Variants in SOX5 observed in about 807,000 individuals in gnomAD.
SOX5 encodes SRY-box transcription factor 5, also known as transcription factor SOX-5.
SOX5 carries 9 observed loss-of-function variants against 92.0 expected under a neutral mutation model. The ratio of observed to expected loss-of-function variants is 0.10; its 90% CI spans 0.06 to 0.17. SOX5 has a LOEUF of 0.17. SOX5 is among the 10% of genes least tolerant of loss of function. SOX5 has a pLI of 1.00. For synonymous variants in SOX5, 344 were observed against 336.3 expected (o/e 1.02, Z -0.25); for missense variants, 642 against 944.5 (o/e 0.68, Z 4.20).
rs564624802 is a variant in SOX5 at position 24,341,254 on chromosome 12, A to G, written c.-174+27309T>C. Among the ~76,000 whole-genome samples, 4 of 152,302 alleles carry G rather than the reference A, an allele frequency of 2.6e-5. No individual in the cohort carries two copies. In the South Asian group the frequency reaches 8.3e-4, roughly 32 times the overall value. ...CACCTTGAGAGGCTGAGGCAGGAGG[A>G]TCACTTGAGCCCAATGGTTCAAGAC... On this transcript the variant is annotated intron_variant, in intron 2 of 4. Transcript: ENST00000446891.
chr12:23,654,966 A>AT (rs1035372154), intron 7 of SOX5, among the ~76,000 whole-genome samples: 5 of 152,020 alleles, frequency 3.3e-5, no homozygotes, highest in African/African-American at 9.7e-5. Context: ...TCAATAAGAG[A>AT]TTTTTTAAAA....
chr12:24,230,731 T>TA lies in SOX5; in HGVS notation c.-76-17315dup, dbSNP rs1439860659. 16 of 152,108 alleles carry TA rather than the reference T, an allele frequency of 1.1e-4. No individual in the cohort carries two copies. The East Asian group carries it at 3.1e-3, about 29-fold the overall frequency. The allele number at this position is 152,108 out of a possible 1,614,324, so 9.4% of individuals were successfully genotyped here. On this transcript the variant is annotated intron_variant, in intron 3 of 4. Coordinates refer to the SOX5 transcript ENST00000446891. ...AACAAAGCCGACACCGTCCCAGGAG[T>TA]AACATACCCTCTTAGATCACTGTAA...
intron 4 of SOX5, among the ~76,000 whole-genome samples, chr12:24,182,393 T>A (rs968791503): frequency 1.3e-5 from 2 of 152,196 alleles, no homozygotes; most frequent in South Asian, 2.1e-4. Context: ...ATAAATCAGA[T>A]ATCAGTCCAC....
intron 9 of SOX5, among the ~76,000 whole-genome samples, chr12:23,581,676 G>T (rs1360341191): frequency 6.6e-6 from 1 of 151,852 alleles, no homozygotes; most frequent in Non-Finnish European, 1.5e-5. Flanking sequence ...ATAAACCAAA[G>T]GACATTTAGG....
At chr12:24,152,273 C>T (rs749133754) in intron 4 of SOX5, among the ~76,000 whole-genome samples, 7 of 152,164 alleles carry the variant, frequency 4.6e-5, no homozygotes, top group Admixed American at 1.3e-4. Flanking sequence ...GCATTTCACA[C>T]GTCATTGATT....
chr12:24,015,916 G>A (rs1392720676), intron 4 of SOX5, among the ~76,000 whole-genome samples: 1 of 107,648 alleles, frequency 9.3e-6, no homozygotes, highest in East Asian at 3.9e-4. Flanking sequence ...CTATTCAATG[G>A]GGGCAGAAAA....
intron 4 of SOX5, among the ~76,000 whole-genome samples, chr12:24,024,768 C>T (rs1224733566): frequency 2.0e-5 from 3 of 152,026 alleles, no homozygotes; most frequent in Non-Finnish European, 4.4e-5. Flanking sequence ...ATCTCCATAA[C>T]ATGACCAATC....
rs188929751 is a variant in SOX5 at position 23,778,043 on chromosome 12, G to T, written c.482-22319C>A. Among the ~76,000 whole-genome samples the T allele has an allele frequency of 2.6e-5, 4 of 152,162 alleles. No individual in the cohort carries two copies. The East Asian group carries it at 5.8e-4, about 22-fold the overall frequency. ...CAAAGAAATGGCAACATGTTGCAGT[G>T]GTTTGATGGACTGATCAAATGACAA... On this transcript the variant is annotated intron_variant, in intron 3 of 14. Coordinates refer to ENST00000451604, the MANE Select transcript of SOX5 (RefSeq NM_006940.6).
At chr12:23,986,046 T>A (rs181413711) in intron 4 of SOX5, among the ~76,000 whole-genome samples, 24 of 152,168 alleles carry the variant, frequency 1.6e-4, no homozygotes, top group Non-Finnish European at 2.5e-4. Context: ...TCCAAGATAA[T>A]CTGTTTATTT....
At chr12:23,663,558 T>C (rs2083364389) in intron 7 of SOX5, among the ~76,000 whole-genome samples, 1 of 152,154 alleles carries the variant, frequency 6.6e-6, no homozygotes, top group African/African-American at 2.4e-5. Context: ...TTTTTTGTTT[T>C]ATTGAAAATA....
chr12:24,527,061 G>C (rs936906195), intron 1 of SOX5, among the ~76,000 whole-genome samples: 2 of 151,964 alleles, frequency 1.3e-5, no homozygotes, highest in African/African-American at 4.8e-5. Context: ...CAAAGTGCTG[G>C]GATTACAGGC....
intron 3 of SOX5, among the ~76,000 whole-genome samples, chr12:23,779,437 A>T (rs953429218): frequency 6.6e-6 from 1 of 150,762 alleles, no homozygotes; most frequent in Admixed American, 6.7e-5. Context: ...ATAAATGAAC[A>T]AGCAGCAGGA....
chr12:23,713,883 G>A (rs375450599), intron 6 of SOX5, among the ~76,000 whole-genome samples: 2 of 151,392 alleles, frequency 1.3e-5, no homozygotes, highest in East Asian at 3.9e-4. Flanking sequence ...CTTGAAGTCA[G>A]GAGTTCAAGA....
At chr12:24,046,764 C>T (rs1957076413) in intron 4 of SOX5, among the ~76,000 whole-genome samples, 1 of 150,984 alleles carries the variant, frequency 6.6e-6, no homozygotes, top group African/African-American at 2.4e-5. Context: ...ACTGCAACCG[C>T]TGCCTCCTGA....
chr12:24,256,638 G>C (rs1453225136), intron 3 of SOX5, among the ~76,000 whole-genome samples: 2 of 148,750 alleles, frequency 1.3e-5, no homozygotes, highest in African/African-American at 5.0e-5. Flanking sequence ...AACAGAGAGA[G>C]AGGGAGTGAG....
chr12:23,932,756 G>A (rs1472505199), intron 1 of SOX5, among the ~76,000 whole-genome samples: 1 of 151,326 alleles, frequency 6.6e-6, no homozygotes, highest in African/African-American at 2.4e-5. Flanking sequence ...AATGTTTTCG[G>A]TTACAGCAAA....
chr12:23,575,529 T>A (rs922175239), intron 10 of SOX5, 132 bp downstream of exon 10: 2 of 736,410 alleles, frequency 2.7e-6, no homozygotes, highest in East Asian at 2.7e-5. Context: ...CGGACCTAGG[T>A]GGTTCCTCAA....
At chr12:23,653,476 G>A (rs540135548) in intron 7 of SOX5, among the ~76,000 whole-genome samples, 1 of 152,094 alleles carries the variant, frequency 6.6e-6, no homozygotes, top group Admixed American at 6.6e-5. Flanking sequence ...AAAATATGAT[G>A]CATATCTGTA....
At chr12:24,489,058 T>C (rs1428671731) in intron 1 of SOX5, among the ~76,000 whole-genome samples, 1 of 152,226 alleles carries the variant, frequency 6.6e-6, no homozygotes, top group East Asian at 1.9e-4. Flanking sequence ...TGAAAATAGT[T>C]TGCATTGAAG....
Sources: allele counts gnomAD v4.1 joint callset (sites outside exome capture counted in the v4.1 genomes callset), GRCh38; gene constraint gnomAD v4.1.1; transcripts MANE v1.5; gene names NCBI Gene and HGNC (gene_info 2026-07-23, HGNC 2026-07-21).